Variants in FYB1 observed in about 807,000 individuals in gnomAD.
FYB1 encodes FYN binding protein 1.
In FYB1, 41 loss-of-function variants were observed where a neutral mutation model predicts 94.1. The ratio of observed to expected loss-of-function variants is 0.44; its 90% confidence interval spans 0.34 to 0.57. FYB1 has a LOEUF of 0.57. FYB1 is among the 20% of genes least tolerant of loss of function. The probability of loss-of-function intolerance (pLI) is 0.02; values close to 1 mark genes in which losing one functional copy is unlikely to be tolerated. For missense variants in FYB1, 1,050 were observed against 976.8 expected, an observed-to-expected ratio of 1.07 and a Z score of -1.00; for synonymous variants, 367 against 353.2, an observed-to-expected ratio of 1.04 and a Z score of -0.44.
chr5:39,114,069 T>G (rs1442039105), intron 16 of FYB1, among the ~76,000 whole-genome samples: 1 of 152,032 alleles, frequency 6.6e-6, no homozygotes, highest in Admixed American at 6.6e-5. Context: ...TAAAAAAAAA[T>G]GATCAATTGG....
chr5:39,146,194 C>T (rs1374142737), intron 3 of FYB1, among the ~76,000 whole-genome samples: 3 of 152,090 alleles, frequency 2.0e-5, no homozygotes, highest in East Asian at 1.9e-4. Context: ...GGATTACAGG[C>T]GTGAGACACT....
At chr5:39,173,758 T>C (rs868350910) in intron 2 of FYB1, among the ~76,000 whole-genome samples, 1 of 152,136 alleles carries the variant, frequency 6.6e-6, no homozygotes, top group Non-Finnish European at 1.5e-5. Flanking sequence ...TTTGTAGAAG[T>C]GTAGGTTCAT....
intron 1 of FYB1, among the ~76,000 whole-genome samples, chr5:39,262,108 G>T (rs1330277272): frequency 6.6e-6 from 1 of 152,048 alleles, no homozygotes; most frequent in African/African-American, 2.4e-5. Context: ...TTTCTTAAAA[G>T]GACATCAAAA....
chr5:39,115,161 T>C (rs965916496), intron 16 of FYB1, among the ~76,000 whole-genome samples: 5 of 151,158 alleles, frequency 3.3e-5, no homozygotes, highest in African/African-American at 1.2e-4. Context: ...AGTGGTGCAA[T>C]CTCGGCTAAC....
In FYB1 at chr5:39,162,462, A is replaced by G. The variant is rs191915915; in HGVS notation, c.1136-8858T>C. Reference sequence around the variant, plus strand: ...AGCACTTTGGGAGGCCGAGGTGGGCAGATCATGAGGTCAAGAGATCCAGAC... The same window carrying G: ...AGCACTTTGGGAGGCCGAGGTGGGCGGATCATGAGGTCAAGAGATCCAGAC... On this transcript the variant is annotated intron_variant, in intron 2 of 18. Transcript: ENST00000512982. 5.8e-4 allele frequency among the ~76,000 whole-genome samples: 88 copies of G among 152,168 alleles called. 1 individual carries two copies. The highest frequency in any genetic ancestry group is 2.0e-3 in the African/African-American group (84 of 41,532).
At chr5:39,193,723 G>A (rs567026268) in intron 2 of FYB1, among the ~76,000 whole-genome samples, 16 of 152,208 alleles carry the variant, frequency 1.1e-4, no homozygotes, top group Non-Finnish European at 2.2e-4. Flanking sequence ...AGGATCACAC[G>A]AGAGGCAGAA....
intron 1 of FYB1, among the ~76,000 whole-genome samples, chr5:39,265,651 C>A (rs1752406049): frequency 6.6e-6 from 1 of 152,120 alleles, no homozygotes; most frequent in Non-Finnish European, 1.5e-5. Flanking sequence ...GAGCAAAACT[C>A]TGTCTCAAAA....
At position 39,247,131 on chromosome 5, in the gene FYB1, G is replaced by A. The variant is rs1007159723; in HGVS notation, c.-28+27272C>T. On this transcript the variant is annotated intron_variant, in intron 1 of 1. Coordinates refer to the FYB1 transcript ENST00000510188. ...ATATATATATGACTATATACCATTTGTCAAATGAATAGCTTTTCTTTCTCT... is the reference window on the plus strand; with the variant it reads ...ATATATATATGACTATATACCATTTATCAAATGAATAGCTTTTCTTTCTCT... Among the ~76,000 whole-genome samples, 129 of 122,250 alleles carry A rather than the reference G, an allele frequency of 1.1e-3. 3 individuals are homozygous for A. Among genetic ancestry groups the A allele is most frequent in the African/African-American group, 3.7e-3 (120 of 32,358 alleles). 80.2% of individuals were successfully genotyped at this position (122,250 alleles called of 152,430 possible). A position where few individuals can be genotyped will look rare whatever the true frequency, so the allele number is the denominator to read the frequency against.
chr5:39,214,470 CA>C, intron 1 of FYB1, among the ~76,000 whole-genome samples: 1 of 152,092 alleles, frequency 6.6e-6, no homozygotes, highest in Non-Finnish European at 1.5e-5. Flanking sequence ...TTTACAATAC[CA>C]AAAGGTGGAA....
chr5:39,157,722 G>T (rs1319614505), intron 2 of FYB1, among the ~76,000 whole-genome samples: 1 of 152,172 alleles, frequency 6.6e-6, no homozygotes, highest in Non-Finnish European at 1.5e-5. Context: ...AAGCTCAGGG[G>T]GGGAATGCCT....
At position 39,107,369 on chromosome 5, in the gene FYB1, C is replaced by G. The variant is rs1267793374; in HGVS notation, c.*74G>C. ...TTTGTGCATTAATTTTCTTGATACC[C>G]AATAACATGCCAATTAAAATCCAGA... On this transcript the variant is annotated 3_prime_UTR_variant, in exon 19 of 19. Coordinates refer to ENST00000512982, the MANE Select transcript of FYB1 (RefSeq NM_001465.6). 9.7e-7 allele frequency: 1 copy of G among 1,032,222 alleles called. No homozygotes were observed. The highest frequency in any genetic ancestry group is 1.4e-6 in the Non-Finnish European group (1 of 721,192). The allele number at this position is 1,032,222 out of a possible 1,614,324, so 63.9% of individuals were successfully genotyped here. A position where few individuals can be genotyped will look rare whatever the true frequency, so the allele number is the denominator to read the frequency against.
rs1245452805 is a variant in FYB1 at position 39,105,883 on chromosome 5, A to G, written c.*1560T>C. 1.3e-5 allele frequency: 2 copies of G among 152,128 alleles called. No individual in the cohort carries two copies. The highest frequency in any genetic ancestry group is 2.4e-5 in the African/African-American group (1 of 41,438). 9.4% of individuals were successfully genotyped at this position (152,128 alleles called of 1,614,324 possible). ...TTGGGGCCTCAGACACCCAAAATCT[A>G]TATATTGACCAGTGGAAGTTGATGA... On this transcript the variant is annotated 3_prime_UTR_variant, in exon 19 of 19. Coordinates refer to ENST00000512982, the MANE Select transcript of FYB1 (RefSeq NM_001465.6).
intron 1 of FYB1, among the ~76,000 whole-genome samples, chr5:39,210,693 A>G (rs1749286318): frequency 6.6e-6 from 1 of 152,172 alleles, no homozygotes. Context: ...TGAGGGCTTA[A>G]GCATAAATGG....
intron 9 of FYB1, among the ~76,000 whole-genome samples, chr5:39,133,636 C>A (rs560868626): frequency 2.0e-5 from 3 of 152,092 alleles, no homozygotes; most frequent in South Asian, 4.2e-4. Context: ...TTCCTCTATA[C>A]CAGGAAGGTG....
At chr5:39,193,120 G>A (rs1401246837) in intron 2 of FYB1, among the ~76,000 whole-genome samples, 1 of 152,194 alleles carries the variant, frequency 6.6e-6, no homozygotes, top group Admixed American at 6.5e-5. Flanking sequence ...ACTCCTCAGA[G>A]TAGGAGACTT....
intron 2 of FYB1, among the ~76,000 whole-genome samples, chr5:39,195,845 C>T (rs1424642608): frequency 6.6e-6 from 1 of 151,998 alleles, no homozygotes; most frequent in African/African-American, 2.4e-5. Context: ...TGGCTCAGGA[C>T]CCAAAAGGAA....
At chr5:39,239,601 C>T (rs542525554) in intron 1 of FYB1, among the ~76,000 whole-genome samples, 1 of 151,890 alleles carries the variant, frequency 6.6e-6, no homozygotes. Context: ...TACAGCTAAC[C>T]ATAGAGGGGA....
intron 11 of FYB1, among the ~76,000 whole-genome samples, chr5:39,126,364 C>T (rs1174080733): frequency 2.0e-5 from 3 of 151,778 alleles, no homozygotes; most frequent in East Asian, 3.9e-4. Flanking sequence ...AGTGAGAATT[C>T]TCCCACTTCT....
At chr5:39,196,391 C>T (rs575030439) in intron 2 of FYB1, among the ~76,000 whole-genome samples, 6 of 151,878 alleles carry the variant, frequency 4.0e-5, no homozygotes, top group Non-Finnish European at 7.4e-5. Flanking sequence ...TTTGGGGTTT[C>T]GCCATGTTGG....
Sources: gnomAD v4.1 joint callset for allele counts (sites outside exome capture counted in the v4.1 genomes callset) on GRCh38, gnomAD v4.1.1 for gene constraint, MANE v1.5 for transcripts, NCBI Gene and HGNC (gene_info 2026-07-23, HGNC 2026-07-21) for gene names.